Variants in KHDRBS3 observed in about 807,000 individuals in gnomAD.
The protein encoded by KHDRBS3 is KH RNA binding domain containing, signal transduction associated 3.
Under a neutral mutation model 45.6 loss-of-function variants are expected in KHDRBS3, and 23 were observed. The ratio of observed to expected loss-of-function variants is 0.50; its 90% CI spans 0.36 to 0.72. KHDRBS3 has a LOEUF of 0.72. Ranked by LOEUF, KHDRBS3 falls within the 30% of genes least tolerant of loss-of-function variation. The pLI is 0.00. For missense variants in KHDRBS3, 352 were observed against 424.8 expected (o/e 0.83, Z 1.51); for synonymous variants, 162 against 156.5 (o/e 1.04, Z -0.26).
chr8:135,603,583 T>C (rs190608447), intron 6 of KHDRBS3, among the ~76,000 whole-genome samples: 11 of 152,338 alleles, frequency 7.2e-5, no homozygotes, highest in Admixed American at 5.2e-4. Context: ...TTAATGACTA[T>C]CATTTTATAT....
At chr8:135,572,718 A>G (rs761262536) in intron 5 of KHDRBS3, among the ~76,000 whole-genome samples, 18 of 152,234 alleles carry the variant, frequency 1.2e-4, no homozygotes, top group Non-Finnish European at 2.5e-4. Context: ...CCCTAGAACC[A>G]CATTTCGGGT....
chr8:135,632,034 T>C (rs1055807767), intron 7 of KHDRBS3, among the ~76,000 whole-genome samples: 9 of 152,322 alleles, frequency 5.9e-5, no homozygotes, highest in African/African-American at 2.2e-4. Context: ...GAATGAAACA[T>C]CATTATGCAG....
At chr8:135,551,940 T>C (rs1220068039) in intron 4 of KHDRBS3, among the ~76,000 whole-genome samples, 1 of 152,220 alleles carries the variant, frequency 6.6e-6, no homozygotes, top group Non-Finnish European at 1.5e-5. Context: ...TTGATCGTTT[T>C]TGTTTTTTGT....
intron 5 of KHDRBS3, among the ~76,000 whole-genome samples, chr8:135,573,104 G>GA (rs1314933891): frequency 2.0e-5 from 3 of 152,100 alleles, no homozygotes; most frequent in Non-Finnish European, 2.9e-5. Flanking sequence ...CCTGTCACTA[G>GA]ATCTTGCAGG....
Position 135,608,164 on chromosome 8 carries a change from T to C in KHDRBS3, c.890+1127T>C, listed in dbSNP as rs73712090. Among the ~76,000 whole-genome samples the C allele has an allele frequency of 8.8e-3, 1,339 of 152,294 alleles. 13 individuals carry two copies. The highest frequency in any genetic ancestry group is 0.024 in the African/African-American group (993 of 41,564). On this transcript the variant is annotated intron_variant, in intron 7 of 8. Coordinates refer to ENST00000355849, the MANE Select transcript of KHDRBS3 (RefSeq NM_006558.3). ...GAAGTATATGCCATTGTTTTCATTG[T>C]ATACATGAAGAAAAGGAGCACAAAA...
At chr8:135,607,095 A>G in intron 7 of KHDRBS3, 58 bp downstream of exon 7, 2 of 1,359,664 alleles carry the variant, frequency 1.5e-6, no homozygotes, top group South Asian at 2.5e-5. Context: ...TTCCACATTC[A>G]TATATTCTGG....
chr8:135,594,349 A>G (rs1828879776), intron 6 of KHDRBS3, among the ~76,000 whole-genome samples: 1 of 152,208 alleles, frequency 6.6e-6, no homozygotes, highest in South Asian at 2.1e-4. Context: ...AGGGCCAGAC[A>G]GTATATCATA....
downstream of KHDRBS3, chr8:135,647,613 T>C (rs1307428152): frequency 6.6e-6 from 1 of 152,628 alleles, no homozygotes; most frequent in Non-Finnish European, 1.5e-5. Flanking sequence ...GAAAGAAATT[T>C]TGTGTGTGTG....
chr8:135,536,300 C>T (rs571245682), intron 2 of KHDRBS3, among the ~76,000 whole-genome samples: 2 of 133,138 alleles, frequency 1.5e-5, no homozygotes, highest in Non-Finnish European at 3.1e-5. Context: ...TTCCTTCCAA[C>T]TCTGTACTTC....
chr8:135,536,425 G>C (rs1825760509), intron 2 of KHDRBS3, among the ~76,000 whole-genome samples: 2 of 152,036 alleles, frequency 1.3e-5, no homozygotes, highest in Admixed American at 6.6e-5. Context: ...GCCAGAGCTA[G>C]CATGTTTGGG....
At chr8:135,527,483 AAATG>A (rs1825250984) in intron 2 of KHDRBS3, among the ~76,000 whole-genome samples, 4 of 152,218 alleles carry the variant, frequency 2.6e-5, no homozygotes, top group Admixed American at 2.6e-4. Flanking sequence ...TAGAAGACAT[AAATG>A]AAGTTGTAAG....
chr8:135,581,028 T>C (rs1179975208), intron 5 of KHDRBS3, among the ~76,000 whole-genome samples: 2 of 152,242 alleles, frequency 1.3e-5, no homozygotes, highest in Non-Finnish European at 2.9e-5. Context: ...TTTGATAATT[T>C]GCTATTTTTG....
Position 135,655,717 on chromosome 8 carries a change from C to T in KHDRBS3, c.*118-509C>T, listed in dbSNP as rs547009026. Among the ~76,000 whole-genome samples the T allele has an allele frequency of 1.2e-3, 164 of 140,234 alleles. 1 individual carries two copies. The highest frequency in any genetic ancestry group is 4.0e-3 in the African/African-American group (152 of 38,086). 92.0% of individuals were successfully genotyped at this position (140,234 alleles called of 152,430 possible). On this transcript the variant is annotated intron_variant and NMD_transcript_variant, in intron 4 of 4. Coordinates refer to the KHDRBS3 transcript ENST00000521461. ...CACCACAATGGCCATTTCTCTGCTG[C>T]GATTGGGTTTTTTGTTTGTTTGTTT...
intron 1 of KHDRBS3, among the ~76,000 whole-genome samples, chr8:135,489,755 A>G (rs983231656): frequency 1.3e-5 from 2 of 152,190 alleles, no homozygotes; most frequent in Non-Finnish European, 2.9e-5. Flanking sequence ...AAAAAGTTAT[A>G]GTAAGGTAAT....
intron 4 of KHDRBS3, among the ~76,000 whole-genome samples, chr8:135,557,144 C>T (rs951520861): frequency 6.6e-6 from 1 of 151,946 alleles, no homozygotes; most frequent in Non-Finnish European, 1.5e-5. Flanking sequence ...ATAACAACAC[C>T]CATATATCAG....
At chr8:135,459,731 C>G (rs189962066) in intron 1 of KHDRBS3, among the ~76,000 whole-genome samples, 22 of 152,334 alleles carry the variant, frequency 1.4e-4, no homozygotes, top group African/African-American at 5.1e-4. Flanking sequence ...GAATTATTTT[C>G]TCTGCCGTGT....
chr8:135,473,533 C>A (rs2130236650), intron 1 of KHDRBS3, among the ~76,000 whole-genome samples: 1 of 152,236 alleles, frequency 6.6e-6, no homozygotes, highest in African/African-American at 2.4e-5. Context: ...CAGATATACA[C>A]TTTTTATTAT....
At chr8:135,520,346 A>G (rs1824844577) in intron 1 of KHDRBS3, among the ~76,000 whole-genome samples, 1 of 152,112 alleles carries the variant, frequency 6.6e-6, no homozygotes. Flanking sequence ...GCAAGCACCT[A>G]ATTTTGTATC....
Position 135,647,244 on chromosome 8 carries a change from A to AC in KHDRBS3, c.*160_*161insC. ...ACTTTGTTGAAACATCAACCTGGGC[A>AC]GAAAAAAAAAAAAAAAGACATGTAA... On this transcript the variant is annotated 3_prime_UTR_variant, in exon 9 of 9. Transcript: ENST00000355849. 1.0e-4 allele frequency: 21 copies of AC among 206,484 alleles called. No individual in the cohort carries two copies. The highest frequency in any genetic ancestry group is 3.8e-4 in the South Asian group (1 of 2,644). 12.8% of individuals were successfully genotyped at this position (206,484 alleles called of 1,614,324 possible).
Sources: allele counts gnomAD v4.1 joint callset (sites outside exome capture counted in the v4.1 genomes callset), GRCh38; gene constraint gnomAD v4.1.1; transcripts MANE v1.5; gene names NCBI Gene and HGNC (gene_info 2026-07-23, HGNC 2026-07-21).